The following BCKDHB variants were observed in gnomAD, a reference collection of about 807,000 sequenced individuals.
The protein encoded by BCKDHB is 2-oxoisovalerate dehydrogenase subunit beta, mitochondrial.
In BCKDHB, 41 loss-of-function variants were observed where a neutral mutation model predicts 48.5. That is an observed-to-expected ratio of 0.85 (90% confidence interval 0.66 to 1.10). The LOEUF (loss-of-function observed/expected upper bound fraction) is 1.10. Among genes scored for constraint, BCKDHB ranks in the 50% least tolerant of loss-of-function variants. The probability of loss-of-function intolerance (pLI) is 0.00; values close to 1 mark genes in which losing one functional copy is unlikely to be tolerated. For synonymous variants in BCKDHB, 201 were observed against 174.8 expected (o/e 1.15, Z -1.18); for missense variants, 496 against 494.2 (o/e 1.00, Z -0.03).
chr6:80,135,807 A>G (rs1450492090), intron 3 of BCKDHB: 1 of 152,156 alleles, frequency 6.6e-6, no homozygotes, highest in Non-Finnish European at 1.5e-5. Context: ...GAAACACTAT[A>G]ACCATCTAAC....
At chr6:80,408,812 A>T in the BCKDHB span, among the ~76,000 whole-genome samples, 2 of 149,200 alleles carry the variant, frequency 1.3e-5, no homozygotes, top group Non-Finnish European at 3.0e-5. Flanking sequence ...TCAAAAAAAA[A>T]AACCAAACAG....
chr6:80,313,784 T>G (rs1768294404), intron 9 of BCKDHB, among the ~76,000 whole-genome samples: 1 of 152,216 alleles, frequency 6.6e-6, no homozygotes, highest in Non-Finnish European at 1.5e-5. Context: ...TTGGTTATTT[T>G]TTGTCTTCTC....
At chr6:80,304,858 A>G (rs1341599392) in intron 9 of BCKDHB, among the ~76,000 whole-genome samples, 4 of 152,154 alleles carry the variant, frequency 2.6e-5, no homozygotes, top group Admixed American at 1.3e-4. Flanking sequence ...AGTAACATTA[A>G]GTACCAGCTT....
intron 3 of BCKDHB, among the ~76,000 whole-genome samples, chr6:80,157,575 C>A (rs1340101190): frequency 6.7e-6 from 1 of 150,042 alleles, no homozygotes; most frequent in Non-Finnish European, 1.5e-5. Flanking sequence ...AAGCAGTTCT[C>A]CTGCCTCAGC....
At chr6:80,321,379 T>C (rs1768709179) in intron 9 of BCKDHB, among the ~76,000 whole-genome samples, 1 of 152,198 alleles carries the variant, frequency 6.6e-6, no homozygotes, top group Non-Finnish European at 1.5e-5. Flanking sequence ...GAAAACCATG[T>C]TTCTATAGTC....
At chr6:80,366,633 A>G in the BCKDHB span, among the ~76,000 whole-genome samples, 3 of 152,198 alleles carry the variant, frequency 2.0e-5, no homozygotes, top group African/African-American at 7.2e-5. Context: ...TTCATAGTGT[A>G]GTGCCCAACG....
the BCKDHB span, among the ~76,000 whole-genome samples, chr6:80,382,771 A>G: frequency 6.6e-6 from 1 of 152,196 alleles, no homozygotes; most frequent in African/African-American, 2.4e-5. Flanking sequence ...ATGAAATATA[A>G]TCAAATAATT....
intron 1 of BCKDHB, among the ~76,000 whole-genome samples, chr6:80,107,289 G>GAT (rs35161169): frequency 0.041 from 5,763 of 141,694 alleles, 372 homozygotes; most frequent in African/African-American, 0.14. Context: ...GCATTTAAAA[G>GAT]ATATATATAT....
intron 8 of BCKDHB, among the ~76,000 whole-genome samples, chr6:80,226,961 C>T (rs1307651678): frequency 3.3e-5 from 5 of 152,080 alleles, no homozygotes; most frequent in Non-Finnish European, 7.4e-5. Context: ...TCTTCTTTAT[C>T]TTCTTTCCAC....
chr6:80,365,616 ATTC>A, the BCKDHB span, among the ~76,000 whole-genome samples: 2 of 152,118 alleles, frequency 1.3e-5, no homozygotes, highest in South Asian at 4.1e-4. Context: ...CTGTTATTCT[ATTC>A]TTTTTCAAAG....
At chr6:80,460,647 T>G in the BCKDHB span, among the ~76,000 whole-genome samples, 13 of 152,146 alleles carry the variant, frequency 8.5e-5, no homozygotes, top group African/African-American at 3.1e-4. Flanking sequence ...GTGGTATATT[T>G]CAGTTATGAA....
intron 9 of BCKDHB, among the ~76,000 whole-genome samples, chr6:80,320,521 A>G (rs1358120514): frequency 6.6e-6 from 1 of 152,186 alleles, no homozygotes; most frequent in Non-Finnish European, 1.5e-5. Context: ...TTCTTCACTA[A>G]TAGGACCCAA....
rs913075336 is a variant in BCKDHB, at chr6:80,188,299, A to G, written c.743-12635A>G. Among the ~76,000 whole-genome samples, 51 of 152,184 alleles carry G rather than the reference A, an allele frequency of 3.4e-4. 1 individual carries two copies. The highest frequency in any genetic ancestry group is 1.0e-4 in the Non-Finnish European group (7 of 68,026). On this transcript the variant is annotated intron_variant, in intron 6 of 9. Coordinates refer to ENST00000320393, the MANE Select transcript of BCKDHB (RefSeq NM_183050.4). ...CCACATGTTCTCACTTATAAGTGGA[A>G]GGTAAACATTGAGTACACACAGAAA...
the BCKDHB span, among the ~76,000 whole-genome samples, chr6:80,411,673 G>C: frequency 6.6e-6 from 1 of 152,198 alleles, no homozygotes. Context: ...CAGAAATGGT[G>C]GACGCCCCTC....
chr6:80,411,179 T>C, the BCKDHB span, among the ~76,000 whole-genome samples: 3 of 152,200 alleles, frequency 2.0e-5, no homozygotes, highest in Admixed American at 2.0e-4. Flanking sequence ...TTCTGTTTGT[T>C]AGTTTTCCTT....
At chr6:80,281,894 G>A (rs765470078) in intron 9 of BCKDHB, among the ~76,000 whole-genome samples, 3 of 151,690 alleles carry the variant, frequency 2.0e-5, no homozygotes. Flanking sequence ...AATCTAAAAG[G>A]AAAAGGTAGA....
intron 6 of BCKDHB, among the ~76,000 whole-genome samples, chr6:80,180,614 T>A (rs547503558): frequency 6.6e-6 from 1 of 152,206 alleles, no homozygotes; most frequent in Non-Finnish European, 1.5e-5. Context: ...TTTCTAGGAT[T>A]TCTGGATAAT....
chr6:80,314,139 C>G (rs1374096429), intron 9 of BCKDHB, among the ~76,000 whole-genome samples: 1 of 152,096 alleles, frequency 6.6e-6, no homozygotes, highest in East Asian at 1.9e-4. Context: ...GATTTCAGTA[C>G]TTTTGCATTT....
At position 80,109,888 on chromosome 6, in the gene BCKDHB, C is replaced by G. The variant is rs548647506; in HGVS notation, c.196+2999C>G. 1.3e-3 allele frequency among the ~76,000 whole-genome samples: 201 copies of G among 152,176 alleles called. 1 individual carries two copies. The highest frequency in any genetic ancestry group is 2.4e-3 in the Non-Finnish European group (160 of 68,014). On this transcript the variant is annotated intron_variant, in intron 1 of 9. Coordinates refer to ENST00000320393, the MANE Select transcript of BCKDHB (RefSeq NM_183050.4). ...AGGCTCAGAAATGTTAGTACTTACC[C>G]AAGTCTGGTAAGTAGCAGAGCCAGA...
Sources: allele counts gnomAD v4.1 joint callset (sites outside exome capture counted in the v4.1 genomes callset), GRCh38; gene constraint gnomAD v4.1.1; transcripts MANE v1.5; gene names NCBI Gene and HGNC (gene_info 2026-07-23, HGNC 2026-07-21).